ACTR3C: variants seen among roughly 807,000 people sequenced by gnomAD.
ACTR3C encodes actin-related protein 3C.
ACTR3C carries 18 observed loss-of-function variants against 26.3 expected under a neutral mutation model. The ratio of observed to expected loss-of-function variants is 0.68; its 90% CI spans 0.47 to 1.01. ACTR3C has a LOEUF of 1.01. ACTR3C is among the 50% of genes least tolerant of loss of function. The pLI is 0.00. For synonymous variants in ACTR3C, 55 were observed against 94.5 expected (o/e 0.58, Z 2.42); for missense variants, 184 against 250.7 (o/e 0.73, Z 1.80).
At chr7:150,000,272 C>T in the ACTR3C span, among the ~76,000 whole-genome samples, 1 of 148,246 alleles carries the variant, frequency 6.7e-6, no homozygotes, top group Non-Finnish European at 1.5e-5. Flanking sequence ...AAACCAAAAG[C>T]ATAAAGGTAT....
At chr7:149,999,131 C>T in the ACTR3C span, among the ~76,000 whole-genome samples, 5 of 150,736 alleles carry the variant, frequency 3.3e-5, no homozygotes, top group Non-Finnish European at 5.9e-5. Context: ...CCCTGCTACC[C>T]AGACCCTGTG....
chr7:150,261,753 C>G (rs1342827251), intron 6 of ACTR3C, among the ~76,000 whole-genome samples: 2 of 152,252 alleles, frequency 1.3e-5, no homozygotes, highest in African/African-American at 4.8e-5. Flanking sequence ...CCAGTGAGAT[C>G]TTATTTTCCT....
At chr7:150,314,107 G>A (rs1035066090) in intron 1 of ACTR3C, among the ~76,000 whole-genome samples, 1 of 152,186 alleles carries the variant, frequency 6.6e-6, no homozygotes, top group African/African-American at 2.4e-5. Context: ...GTGGTGGTAG[G>A]GGTGATGGCA....
the ACTR3C span, among the ~76,000 whole-genome samples, chr7:150,194,340 TCA>T: frequency 1.3e-5 from 2 of 148,180 alleles, no homozygotes; most frequent in Admixed American, 6.7e-5. Context: ...AGAAAAATTA[TCA>T]GAGGCAAAAG....
At chr7:149,906,829 C>T in the ACTR3C span, among the ~76,000 whole-genome samples, 2 of 64,168 alleles carry the variant, frequency 3.1e-5, no homozygotes, top group Non-Finnish European at 6.1e-5. Flanking sequence ...AAAATGTGTG[C>T]CCTTTTTCTC....
At chr7:150,185,510 A>C in the ACTR3C span, among the ~76,000 whole-genome samples, 1 of 152,154 alleles carries the variant, frequency 6.6e-6, no homozygotes, top group African/African-American at 2.4e-5. Context: ...ATCTTTTTCT[A>C]TATAAAGGAA....
the ACTR3C span, among the ~76,000 whole-genome samples, chr7:150,053,500 C>T: frequency 2.0e-5 from 3 of 152,224 alleles, no homozygotes; most frequent in African/African-American, 7.2e-5. Context: ...ACTGGCATGC[C>T]TTGTGAAGGA....
At chr7:150,048,552 C>T in the ACTR3C span, among the ~76,000 whole-genome samples, 4 of 151,940 alleles carry the variant, frequency 2.6e-5, no homozygotes, top group Non-Finnish European at 5.9e-5. Context: ...GCGCGTGCCC[C>T]GCAGCACGCG....
intron 1 of ACTR3C, among the ~76,000 whole-genome samples, chr7:150,302,545 C>G (rs1021275033): frequency 8.6e-5 from 13 of 151,598 alleles, no homozygotes; most frequent in Admixed American, 8.5e-4. Flanking sequence ...GTTATGAAAA[C>G]TGTAAGGAAA....
the ACTR3C span, among the ~76,000 whole-genome samples, chr7:150,108,054 T>A: frequency 6.6e-6 from 1 of 150,758 alleles, no homozygotes; most frequent in African/African-American, 2.5e-5. Flanking sequence ...GGAATTGACA[T>A]GATTAGGCCT....
At chr7:150,036,197 G>A in the ACTR3C span, among the ~76,000 whole-genome samples, 11 of 146,314 alleles carry the variant, frequency 7.5e-5, 1 homozygote, top group Non-Finnish European at 1.4e-4. Context: ...AGCCAGGGGG[G>A]AAGAGGGGAT....
At chr7:150,167,347 T>C in the ACTR3C span, among the ~76,000 whole-genome samples, 1 of 150,792 alleles carries the variant, frequency 6.6e-6, no homozygotes, top group Non-Finnish European at 1.5e-5. Context: ...TAAAAAGGAA[T>C]ATTTTAGGGT....
chr7:150,041,033 C>T, the ACTR3C span, among the ~76,000 whole-genome samples: 1 of 150,594 alleles, frequency 6.6e-6, no homozygotes, highest in Non-Finnish European at 1.5e-5. Context: ...TCAGCCAGGG[C>T]CCCACAGTTT....
At chr7:149,903,849 T>C in the ACTR3C span, among the ~76,000 whole-genome samples, 1 of 111,014 alleles carries the variant, frequency 9.0e-6, no homozygotes, top group African/African-American at 2.6e-5. Flanking sequence ...CAGCCCTCTG[T>C]GTACGAGTGT....
At chr7:150,004,357 TA>T in the ACTR3C span, 2 of 151,926 alleles carry the variant, frequency 1.3e-5, no homozygotes, top group Non-Finnish European at 2.9e-5. Flanking sequence ...AGCATAGCCA[TA>T]GCTCTTGCAC....
the ACTR3C span, among the ~76,000 whole-genome samples, chr7:150,170,591 A>G: frequency 2.0e-5 from 3 of 150,750 alleles, no homozygotes; most frequent in Non-Finnish European, 4.4e-5. Context: ...GGTTGGTAAC[A>G]TGTGGCCTTT....
the ACTR3C span, among the ~76,000 whole-genome samples, chr7:150,029,446 G>T: frequency 6.7e-5 from 10 of 150,242 alleles, no homozygotes; most frequent in African/African-American, 2.0e-4. Flanking sequence ...GAGTGGGTGT[G>T]GTGGCATGCA....
At chr7:149,979,052 C>T in the ACTR3C span, among the ~76,000 whole-genome samples, 1 of 152,194 alleles carries the variant, frequency 6.6e-6, no homozygotes, top group Non-Finnish European at 1.5e-5. Flanking sequence ...CTCTGCTACC[C>T]GTCTGCTCAC....
chr7:150,184,329 G>C, the ACTR3C span, among the ~76,000 whole-genome samples: 6 of 150,844 alleles, frequency 4.0e-5, no homozygotes, highest in Non-Finnish European at 8.8e-5. Flanking sequence ...CCAGGCAGCA[G>C]AGTGGTGGTC....
Sources: gnomAD v4.1 joint callset for allele counts (sites outside exome capture counted in the v4.1 genomes callset) on GRCh38, gnomAD v4.1.1 for gene constraint, MANE v1.5 for transcripts, NCBI Gene and HGNC (gene_info 2026-07-23, HGNC 2026-07-21) for gene names.